CFHR5: variants seen among roughly 807,000 people sequenced by gnomAD.
CFHR5 encodes complement factor H-related protein 5.
CFHR5 carries 73 observed loss-of-function variants against 62.9 expected under a neutral mutation model. The ratio of observed to expected loss-of-function variants is 1.16; its 90% CI spans 0.96 to 1.41. CFHR5 has a LOEUF of 1.41. Among genes scored for constraint, CFHR5 ranks in the 40% most tolerant of loss-of-function variants. The pLI is 0.00. For synonymous variants in CFHR5, 249 were observed against 227.2 expected (o/e 1.10, Z -0.86); for missense variants, 779 against 679.9 (o/e 1.15, Z -1.62).
chr1:196,980,298 G>A (rs1653505567), intron 1 of CFHR5, among the ~76,000 whole-genome samples: 1 of 151,856 alleles, frequency 6.6e-6, no homozygotes, highest in Non-Finnish European at 1.5e-5. Context: ...AACAACTATA[G>A]TACATTAAAT....
chr1:196,991,105 C>T (rs757797390), intron 3 of CFHR5, among the ~76,000 whole-genome samples: 19 of 152,064 alleles, frequency 1.2e-4, no homozygotes, highest in Non-Finnish European at 2.4e-4. Flanking sequence ...CTCTTTATTT[C>T]ATTAATTTGA....
intron 3 of CFHR5, among the ~76,000 whole-genome samples, chr1:196,985,733 T>C (rs373685035): frequency 6.6e-6 from 1 of 152,190 alleles, no homozygotes; most frequent in African/African-American, 2.4e-5. Flanking sequence ...AAGCTGGCTC[T>C]GTGTACAGTC....
rs147981314 is a variant in CFHR5, at chr1:197,000,205, G to A, written c.1147+1901G>A. 2.0e-3 allele frequency among the ~76,000 whole-genome samples: 299 copies of A among 152,182 alleles called. 3 individuals carry two copies. The highest frequency in any genetic ancestry group is 0.018 in the Admixed American group (272 of 15,268). On this transcript the variant is annotated intron_variant, in intron 7 of 9. Transcript: ENST00000256785. ...GAAGAAGCCTTATTTAAAGTTTTGAGAAGAGCTGGTAGCTAGTAGTCTGGA... is the reference window on the plus strand; with the variant it reads ...GAAGAAGCCTTATTTAAAGTTTTGAAAAGAGCTGGTAGCTAGTAGTCTGGA...
chr1:196,977,815 A>T, intron 1 of CFHR5, 93 bp downstream of exon 1: 1 of 949,202 alleles, frequency 1.1e-6, no homozygotes, highest in Non-Finnish European at 1.7e-6. Context: ...TTAAATGAAT[A>T]AATAGCTGAG....
At chr1:196,998,005 C>A in intron 6 of CFHR5, 123 bp from the exon 7 acceptor site, 2 of 629,216 alleles carry the variant, frequency 3.2e-6, no homozygotes, top group South Asian at 2.6e-5. Context: ...CTATTTTGTG[C>A]AATGAGATTA....
chr1:196,996,870 A>AAGTAGTAAGTAAGT (rs1553315050), intron 6 of CFHR5, among the ~76,000 whole-genome samples: 1 of 151,390 alleles, frequency 6.6e-6, no homozygotes, highest in African/African-American at 2.4e-5. Flanking sequence ...AGTAAGTAGT[A>AAGTAGTAAGTAAGT]AGTAAGTAGT....
At chr1:196,982,847 C>T in intron 1 of CFHR5, 38 bp from the exon 2 acceptor site, 1 of 1,565,002 alleles carries the variant, frequency 6.4e-7, no homozygotes, top group Non-Finnish European at 8.8e-7. Flanking sequence ...CGATGTAGCT[C>T]TTTATTTAAT....
intron 3 of CFHR5, among the ~76,000 whole-genome samples, chr1:196,985,553 C>CA (rs1260999668): frequency 1.3e-5 from 2 of 151,692 alleles, no homozygotes; most frequent in African/African-American, 4.8e-5. Context: ...GAAAAGGGTT[C>CA]AAAATGTATA....
chr1:196,981,236 A>T (rs1558281507), intron 1 of CFHR5, among the ~76,000 whole-genome samples: 1 of 152,176 alleles, frequency 6.6e-6, no homozygotes, highest in Non-Finnish European at 1.5e-5. Context: ...TCTTGAGCTA[A>T]AAAATGAGCA....
At chr1:196,998,502 A>G (rs1190258352) in intron 7 of CFHR5, among the ~76,000 whole-genome samples, 198 bp downstream of exon 7, 1 of 152,078 alleles carries the variant, frequency 6.6e-6, no homozygotes, top group Non-Finnish European at 1.5e-5. Flanking sequence ...TAAAGATGAG[A>G]GAGTAAAGCT....
Position 197,009,624 on chromosome 1 carries a change from T to G in CFHR5, c.*941T>G, listed in dbSNP as rs1227058326. On this transcript the variant is annotated 3_prime_UTR_variant, in exon 10 of 10. Coordinates refer to ENST00000256785, the MANE Select transcript of CFHR5 (RefSeq NM_030787.4). ...ATCCTCTAATGTAAGTCTAGCTACC[T>G]ATCCAATACTAAATACCCCTTAAAG... is the stretch of plus-strand genomic sequence containing the variant. The G allele has an allele frequency of 6.6e-6, 1 of 152,180 alleles. No homozygotes were observed. Among genetic ancestry groups the G allele is most frequent in the Non-Finnish European group, 1.5e-5 (1 of 68,030 alleles). The allele number at this position is 152,180 out of a possible 1,614,324, so 9.4% of individuals were successfully genotyped here.
rs188393494 is a variant in CFHR5 at position 196,982,745 on chromosome 1, G to A, written c.59-140G>A. The stretch of plus-strand genomic sequence containing the variant: ...AGGGATCTTTCTTCATTCCAAATTA[G>A]TACACTGGAAAGCATTTAAGCTAAA... On this transcript the variant is annotated intron_variant, in intron 1 of 9. Coordinates refer to ENST00000256785, the MANE Select transcript of CFHR5 (RefSeq NM_030787.4). 57 of 728,490 alleles carry A rather than the reference G, an allele frequency of 7.8e-5. No homozygotes were observed. In the Admixed American group the frequency reaches 1.1e-3, roughly 14 times the overall value. The allele number at this position is 728,490 out of a possible 1,614,324, so 45.1% of individuals were successfully genotyped here. A position where few individuals can be genotyped will look rare whatever the true frequency, so the allele number is the denominator to read the frequency against.
chr1:196,991,190 T>C (rs1653840036), intron 3 of CFHR5, among the ~76,000 whole-genome samples: 3 of 152,188 alleles, frequency 2.0e-5, no homozygotes. Context: ...CACGTAGTTC[T>C]CGTGCCATGG....
At chr1:197,006,831 A>G (rs116128757) in intron 9 of CFHR5, among the ~76,000 whole-genome samples, 2,053 of 151,990 alleles carry the variant, frequency 0.014, 45 homozygotes, top group African/African-American at 0.045. Context: ...TTGACATAGC[A>G]TCTTTTTTTA....
Position 196,998,268 on chromosome 1 carries a change from A to C in CFHR5, c.1111A>C (p.Ile371Leu). The C allele has an allele frequency of 6.2e-7, 1 of 1,611,684 alleles. No individual in the cohort carries two copies. The highest frequency in any genetic ancestry group is 1.1e-5 in the South Asian group (1 of 90,680). Residue 371 changes from isoleucine to leucine, a missense_variant, in exon 7 of 10, where the codon ATA becomes CTA. Physicochemically the swap from Ile to Leu is conservative, Grantham distance 5. Coordinates refer to ENST00000256785, the MANE Select transcript of CFHR5 (RefSeq NM_030787.4). ...CTTCAGATACAGGCACTCAGTCTGT[A>C]TAAACGGGAAATGGAATCCTGAAGT... The part of the protein sequence containing the change: ...DIFRYRHSVC[I>L]NGKWNPEVDC...
At chr1:196,980,564 G>A (rs1293461111) in intron 1 of CFHR5, among the ~76,000 whole-genome samples, 2 of 150,156 alleles carry the variant, frequency 1.3e-5, no homozygotes, top group African/African-American at 2.5e-5. Flanking sequence ...TCATTATGTG[G>A]TAAATGACTG....
At chr1:196,993,363 C>T (rs371620156) in intron 3 of CFHR5, among the ~76,000 whole-genome samples, 8 of 152,006 alleles carry the variant, frequency 5.3e-5, no homozygotes, top group Admixed American at 1.3e-4. Context: ...GGTGCGATCT[C>T]GGCTCACTGC....
intron 9 of CFHR5, among the ~76,000 whole-genome samples, chr1:197,005,109 G>A (rs1238693380): frequency 1.3e-5 from 2 of 152,168 alleles, no homozygotes; most frequent in African/African-American, 2.4e-5. Context: ...TATTTATGGG[G>A]CCTATTCGCA....
chr1:197,005,539 G>A lies in CFHR5; in HGVS notation c.1513+696G>A, dbSNP rs143638924. On this transcript the variant is annotated intron_variant, in intron 9 of 9. Coordinates refer to ENST00000256785, the MANE Select transcript of CFHR5 (RefSeq NM_030787.4). ...GGGCTTAAAAGGAGATTCTTTTATC[G>A]GTCATGACAAACTAAAAGGGACAAA... 2.8e-3 allele frequency among the ~76,000 whole-genome samples: 422 copies of A among 151,966 alleles called. 3 individuals carry two copies. Among genetic ancestry groups the A allele is most frequent in the Non-Finnish European group, 2.8e-3 (192 of 67,980 alleles).
Sources: allele counts gnomAD v4.1 joint callset (sites outside exome capture counted in the v4.1 genomes callset), GRCh38; gene constraint gnomAD v4.1.1; transcripts MANE v1.5; gene names NCBI Gene and HGNC (gene_info 2026-07-23, HGNC 2026-07-21).